The following NFKB1 variants were observed in gnomAD, a reference collection of about 807,000 sequenced individuals.
NFKB1 encodes nuclear factor kappa B subunit 1.
In NFKB1, 9 loss-of-function variants were observed where a neutral mutation model predicts 105.1. That is an observed-to-expected ratio of 0.09 (90% confidence interval 0.05 to 0.15). The LOEUF (loss-of-function observed/expected upper bound fraction) is 0.15. Ranked by LOEUF, NFKB1 falls within the 10% of genes least tolerant of loss-of-function variation. The pLI is 1.00. For missense variants in NFKB1, 830 were observed against 1,203.7 expected, an observed-to-expected ratio of 0.69 and a Z score of 4.59; for synonymous variants, 440 against 442.2, an observed-to-expected ratio of 1.00 and a Z score of 0.06.
chr4:102,584,766 T>A lies in NFKB1; in HGVS notation c.1012T>A (p.Ser338Thr). Residue 338 changes from serine to threonine, a missense_variant, in exon 11 of 24, where the codon TCT (serine) becomes ACT (threonine). Transcript: ENST00000226574. ...ASVFVQLRRK[S>T]DLETSEPKPF... The stretch of plus-strand genomic sequence containing the variant: ...TGTGTTTGTCCAGCTTCGGAGGAAA[T>A]CTGACTTGGAAACTAGTGAACCAAA... 2.5e-6 allele frequency: 4 copies of A among 1,613,102 alleles called. No homozygotes were observed. Among genetic ancestry groups the A allele is most frequent in the Non-Finnish European group, 3.4e-6 (4 of 1,179,406 alleles).
intron 5 of NFKB1, among the ~76,000 whole-genome samples, chr4:102,561,824 T>A (rs2149160777): frequency 6.6e-6 from 1 of 152,280 alleles, no homozygotes; most frequent in Admixed American, 6.5e-5. Context: ...TCTGGGAGTT[T>A]AACAAGCAAG....
intron 6 of NFKB1, among the ~76,000 whole-genome samples, chr4:102,570,393 T>C (rs927651665): frequency 3.9e-5 from 6 of 152,206 alleles, no homozygotes; most frequent in Admixed American, 3.9e-4. Flanking sequence ...TATGATCTTA[T>C]TCTTTTTTAT....
chr4:102,550,472 AG>A (rs1304206522), intron 5 of NFKB1, among the ~76,000 whole-genome samples: 1 of 152,124 alleles, frequency 6.6e-6, no homozygotes, highest in Non-Finnish European at 1.5e-5. Context: ...CCAACACTGC[AG>A]GCTTCTTCCC....
At chr4:102,579,936 C>T (rs2149186333) in intron 8 of NFKB1, among the ~76,000 whole-genome samples, 1 of 151,510 alleles carries the variant, frequency 6.6e-6, no homozygotes, top group Middle Eastern at 3.4e-3. Context: ...GATACAGACT[C>T]ATACCGCAGA....
chr4:102,525,231 TA>T (rs1740832829), intron 1 of NFKB1, among the ~76,000 whole-genome samples: 1 of 150,804 alleles, frequency 6.6e-6, no homozygotes, highest in South Asian at 2.1e-4. Flanking sequence ...ATACAAAGCA[TA>T]AAGATGATTT....
chr4:102,607,573 C>T, intron 18 of NFKB1, 76 bp from the exon 19 acceptor site: 1 of 1,430,150 alleles, frequency 7.0e-7, no homozygotes, highest in Non-Finnish European at 9.9e-7. Flanking sequence ...CCCAAGGAGC[C>T]ATGCACACTG....
intron 3 of NFKB1, among the ~76,000 whole-genome samples, chr4:102,530,938 T>A (rs1294969059): frequency 6.6e-6 from 1 of 152,178 alleles, no homozygotes; most frequent in Non-Finnish European, 1.5e-5. Flanking sequence ...TAGGCTGCCA[T>A]GTCTGAGATC....
At chr4:102,584,620 A>G in intron 10 of NFKB1, 62 bp from the exon 11 acceptor site, 1 of 1,453,602 alleles carries the variant, frequency 6.9e-7, no homozygotes, top group Non-Finnish European at 9.1e-7. Flanking sequence ...AATGAGTAGC[A>G]TTACTGCAAA....
rs764230559 is a variant in NFKB1 at position 102,610,628 on chromosome 4, T to A, written c.2281T>A (p.Trp761Arg). Residue 761 changes from tryptophan to arginine, a missense_variant, in exon 20 of 24, where the codon TGG (tryptophan) becomes AGG (arginine). Transcript: ENST00000226574. ...GCCTCTCTATGACCTGGATGACTCT[T>A]GGGAAAATGCAGGAGAGGATGAAGG... is the stretch of plus-strand genomic sequence containing the variant. ...FEPLYDLDDS[W>R]ENAGEDEGVV... The A allele has an allele frequency of 6.6e-5, 106 of 1,613,892 alleles. No homozygotes were observed. The highest frequency in any genetic ancestry group is 8.3e-5 in the Admixed American group (5 of 59,986).
At chr4:102,511,103 C>CT (rs201549867) in intron 1 of NFKB1, among the ~76,000 whole-genome samples, 8 of 151,440 alleles carry the variant, frequency 5.3e-5, no homozygotes, top group East Asian at 1.9e-4. Context: ...TTTTTCCTTC[C>CT]TTTTTTTTGA....
chr4:102,545,720 C>T (rs1722085151), intron 5 of NFKB1, among the ~76,000 whole-genome samples: 1 of 152,038 alleles, frequency 6.6e-6, no homozygotes, highest in East Asian at 1.9e-4. Flanking sequence ...ACAGAGACGC[C>T]TGGGAACCAC....
At chr4:102,550,623 A>C (rs928139344) in intron 5 of NFKB1, among the ~76,000 whole-genome samples, 6 of 152,196 alleles carry the variant, frequency 3.9e-5, no homozygotes, top group African/African-American at 1.4e-4. Context: ...CCAATAATTC[A>C]CACACATTTG....
chr4:102,596,604 T>G (rs1726637373), intron 14 of NFKB1, among the ~76,000 whole-genome samples: 1 of 152,308 alleles, frequency 6.6e-6, no homozygotes, highest in East Asian at 1.9e-4. Context: ...TTGTGAGAGA[T>G]AATCAACTTC....
intron 16 of NFKB1, among the ~76,000 whole-genome samples, chr4:102,604,577 C>G (rs148610374): frequency 2.0e-3 from 300 of 151,972 alleles, no homozygotes; most frequent in African/African-American, 7.0e-3. Flanking sequence ...TACTGTATTT[C>G]TGCCTTCACT....
At chr4:102,577,771 G>A (rs1005299529) in intron 7 of NFKB1, 8 of 969,302 alleles carry the variant, frequency 8.3e-6, no homozygotes, top group Admixed American at 6.2e-5. Context: ...CCTGTGCTGC[G>A]AGGCTGTGGT....
chr4:102,559,322 C>T (rs1723217312), intron 5 of NFKB1, among the ~76,000 whole-genome samples: 1 of 151,934 alleles, frequency 6.6e-6, no homozygotes, highest in South Asian at 2.1e-4. Context: ...TATAATGAGC[C>T]CCCTTGCACT....
At chr4:102,567,637 C>T (rs531358450) in intron 6 of NFKB1, among the ~76,000 whole-genome samples, 1 of 152,206 alleles carries the variant, frequency 6.6e-6, no homozygotes, top group Admixed American at 6.5e-5. Flanking sequence ...AAGTAATGCA[C>T]AGATAAGAAG....
At chr4:102,591,148 A>G (rs1407157257) in intron 11 of NFKB1, among the ~76,000 whole-genome samples, 1 of 152,234 alleles carries the variant, frequency 6.6e-6, no homozygotes, top group Non-Finnish European at 1.5e-5. Context: ...CAAGTTATCC[A>G]GGAGATCTAG....
intron 1 of NFKB1, 81 bp from the exon 2 acceptor site, chr4:102,525,431 C>T (rs1740847033): frequency 7.4e-7 from 1 of 1,345,904 alleles, no homozygotes; most frequent in South Asian, 1.2e-5. Flanking sequence ...ACAGTTTATT[C>T]CTGCATGAAT....
Sources: allele counts gnomAD v4.1 joint callset (sites outside exome capture counted in the v4.1 genomes callset), GRCh38; gene constraint gnomAD v4.1.1; transcripts MANE v1.5; gene names NCBI Gene and HGNC (gene_info 2026-07-23, HGNC 2026-07-21).